The following RAB28 variants were observed in gnomAD, a reference collection of about 807,000 sequenced individuals.
RAB28 encodes the protein RAB28, member RAS oncogene family, also known as ras-related protein Rab-28.
A neutral mutation model predicts 31.7 loss-of-function variants in RAB28; 24 were observed. The ratio of observed to expected loss-of-function variants is 0.76; its 90% CI spans 0.55 to 1.06. RAB28 has a LOEUF of 1.06. RAB28 is among the 50% of genes least tolerant of loss of function. The probability of loss-of-function intolerance (pLI) is 0.00; values close to 1 mark genes in which losing one functional copy is unlikely to be tolerated. For missense variants in RAB28, 254 were observed against 258.5 expected, an observed-to-expected ratio of 0.98 and a Z score of 0.12; for synonymous variants, 100 against 90.4, an observed-to-expected ratio of 1.11 and a Z score of -0.60.
intron 4 of RAB28, among the ~76,000 whole-genome samples, chr4:13,426,212 A>G (rs1713478940): frequency 6.6e-6 from 1 of 152,150 alleles, no homozygotes; most frequent in Admixed American, 6.5e-5. Context: ...TGAGATTTTC[A>G]TAAAGATTCA....
chr4:13,481,308 C>G (rs1005898291), intron 1 of RAB28, among the ~76,000 whole-genome samples: 2 of 151,942 alleles, frequency 1.3e-5, no homozygotes, highest in African/African-American at 4.8e-5. Flanking sequence ...AAAGTAAGTT[C>G]TTACTATATC....
intron 4 of RAB28, among the ~76,000 whole-genome samples, chr4:13,437,664 C>T (rs1714197668): frequency 6.6e-6 from 1 of 152,072 alleles, no homozygotes; most frequent in African/African-American, 2.4e-5. Context: ...CCATCTCACA[C>T]CAATCAGAAT....
At chr4:13,467,738 G>C (rs945470628) in intron 3 of RAB28, among the ~76,000 whole-genome samples, 4 of 151,838 alleles carry the variant, frequency 2.6e-5, no homozygotes, top group Admixed American at 1.3e-4. Context: ...CAAAGAACAT[G>C]TGCAAAGAAT....
chr4:13,422,132 C>G (rs948245077), intron 4 of RAB28, among the ~76,000 whole-genome samples: 1 of 151,886 alleles, frequency 6.6e-6, no homozygotes, highest in African/African-American at 2.4e-5. Context: ...ATTCATGCAG[C>G]CAGCAGACAC....
intron 4 of RAB28, among the ~76,000 whole-genome samples, chr4:13,414,606 T>C (rs1318842948): frequency 1.5e-4 from 23 of 152,242 alleles, no homozygotes; most frequent in Admixed American, 1.5e-3. Context: ...AATTCATTTA[T>C]GAAGCTGACA....
intron 4 of RAB28, among the ~76,000 whole-genome samples, chr4:13,418,776 G>A (rs1057093770): frequency 2.0e-5 from 3 of 152,098 alleles, no homozygotes; most frequent in Non-Finnish European, 2.9e-5. Context: ...AAGGAGTAAC[G>A]AGTACCAGCC....
At chr4:13,392,980 AT>A (rs373796602) in intron 4 of RAB28, among the ~76,000 whole-genome samples, 3 of 152,212 alleles carry the variant, frequency 2.0e-5, no homozygotes, top group African/African-American at 7.2e-5. Context: ...AGCAAGACAT[AT>A]TGTATGTGCC....
At chr4:13,467,870 T>C (rs1472399889) in intron 3 of RAB28, among the ~76,000 whole-genome samples, 1 of 151,910 alleles carries the variant, frequency 6.6e-6, no homozygotes, top group African/African-American at 2.4e-5. Context: ...TGACTGTATA[T>C]TGCCTACGGA....
intron 2 of RAB28, among the ~76,000 whole-genome samples, chr4:13,477,339 C>A (rs898630387): frequency 4.6e-5 from 7 of 151,548 alleles, no homozygotes; most frequent in Non-Finnish European, 8.9e-5. Flanking sequence ...ACACCCCTAA[C>A]AATCTAACTG....
At chr4:13,397,066 T>C (rs1455392577) in intron 4 of RAB28, among the ~76,000 whole-genome samples, 2 of 152,086 alleles carry the variant, frequency 1.3e-5, no homozygotes, top group Non-Finnish European at 2.9e-5. Flanking sequence ...ATTTTTAGGC[T>C]CTTAAAATAA....
chr4:13,443,867 A>C (rs35792584), intron 4 of RAB28, among the ~76,000 whole-genome samples: 9,229 of 152,062 alleles, frequency 0.061, 650 homozygotes, highest in African/African-American at 0.17. Flanking sequence ...CCCTGACAAC[A>C]ACTATTCTAT....
At chr4:13,446,120 T>A (rs1016995384) in intron 4 of RAB28, among the ~76,000 whole-genome samples, 7 of 152,166 alleles carry the variant, frequency 4.6e-5, no homozygotes, top group Non-Finnish European at 8.8e-5. Context: ...CTTTGCTGGC[T>A]GTGGTGAATT....
chr4:13,406,953 G>C (rs1011876677), intron 4 of RAB28, among the ~76,000 whole-genome samples: 2 of 152,152 alleles, frequency 1.3e-5, no homozygotes, highest in Non-Finnish European at 2.9e-5. Context: ...TAGGTTGCCT[G>C]TTCACTCTGA....
chr4:13,441,608 C>G (rs1397864063), intron 4 of RAB28, among the ~76,000 whole-genome samples: 1 of 152,200 alleles, frequency 6.6e-6, no homozygotes, highest in African/African-American at 2.4e-5. Context: ...AGTTAATGAT[C>G]TGTGACATAC....
chr4:13,415,714 T>A lies in RAB28; in HGVS notation c.392-34120A>T, dbSNP rs183754870. ...GCCCAAGCCTCCCCAACGAGCACCATCCCCTGCTCTACGGCGCCCGGTCCC... is the reference window on the plus strand; with the variant it reads ...GCCCAAGCCTCCCCAACGAGCACCAACCCCTGCTCTACGGCGCCCGGTCCC... On this transcript the variant is annotated intron_variant, in intron 4 of 6. Coordinates refer to ENST00000330852, the MANE Select transcript of RAB28 (RefSeq NM_001017979.3). Among the ~76,000 whole-genome samples, 699 of 151,458 alleles carry A rather than the reference T, an allele frequency of 4.6e-3. 6 individuals are homozygous for A. Among genetic ancestry groups the A allele is most frequent in the African/African-American group, 0.016 (665 of 41,406 alleles).
At chr4:13,370,044 T>C (rs1728662181) in intron 6 of RAB28, 2 of 1,527,688 alleles carry the variant, frequency 1.3e-6, no homozygotes, top group East Asian at 2.3e-5. Flanking sequence ...GTATGTTCAA[T>C]GACTGAATAT....
chr4:13,425,040 T>C (rs1278647517), intron 4 of RAB28, among the ~76,000 whole-genome samples: 1 of 152,222 alleles, frequency 6.6e-6, no homozygotes, highest in Non-Finnish European at 1.5e-5. Flanking sequence ...TTTACCAAAA[T>C]TGCTCTATAC....
intron 2 of RAB28, among the ~76,000 whole-genome samples, chr4:13,475,135 C>T (rs1355763240): frequency 6.6e-6 from 1 of 151,580 alleles, no homozygotes; most frequent in African/African-American, 2.4e-5. Context: ...AATACTGTAA[C>T]TAATCATCTT....
chr4:13,483,717 G>T (rs1204987416), intron 1 of RAB28, among the ~76,000 whole-genome samples: 5 of 152,228 alleles, frequency 3.3e-5, no homozygotes, highest in Non-Finnish European at 7.3e-5. Flanking sequence ...CGGTAAAGGG[G>T]GTGGGAGGGG....
Sources: gnomAD v4.1 joint callset for allele counts (sites outside exome capture counted in the v4.1 genomes callset) on GRCh38, gnomAD v4.1.1 for gene constraint, MANE v1.5 for transcripts, NCBI Gene and HGNC (gene_info 2026-07-23, HGNC 2026-07-21) for gene names.